Variants in AFP observed in about 807,000 individuals in gnomAD.
The protein encoded by AFP is alpha fetoprotein, also known as alpha-fetoprotein.
A neutral mutation model predicts 78.9 loss-of-function variants in AFP; 64 were observed. The observed-to-expected ratio is 0.81, with a 90% CI of 0.66 to 1.00. AFP has a LOEUF of 1.00. AFP is among the 50% of genes least tolerant of loss of function. The pLI, the probability that AFP is intolerant of heterozygous loss-of-function variation, is 0.00. For synonymous variants in AFP, 254 were observed against 243.8 expected (o/e 1.04, Z -0.39); for missense variants, 689 against 703.8 (o/e 0.98, Z 0.24).
chr4:73,445,076 A>G lies in AFP; in HGVS notation c.797A>G (p.His266Arg), dbSNP rs144243983. ...CTAGTCCTGGATGTGGCCCATGTACATGAGCACTGTTGCAGAGGAGATGTG... is the reference window on the plus strand; with the variant it reads ...CTAGTCCTGGATGTGGCCCATGTACGTGAGCACTGTTGCAGAGGAGATGTG... ...QKLVLDVAHV[H>R]EHCCRGDVLD... Residue 266 changes from histidine to arginine, a missense_variant, in exon 7 of 15, where the codon CAT (histidine) becomes CGT (arginine). Coordinates refer to ENST00000395792, the MANE Select transcript of AFP (RefSeq NM_001134.3). The G allele has an allele frequency of 1.1e-4, 184 of 1,614,054 alleles. No homozygotes were observed. Among genetic ancestry groups the G allele is most frequent in the Middle Eastern group, 6.6e-4 (4 of 6,062 alleles).
chr4:73,446,805 T>C (rs1719842218), intron 7 of AFP, among the ~76,000 whole-genome samples: 1 of 152,228 alleles, frequency 6.6e-6, no homozygotes, highest in Non-Finnish European at 1.5e-5. Context: ...TTTGAGCACA[T>C]TTCCCTCTTA....
intron 11 of AFP, among the ~76,000 whole-genome samples, chr4:73,451,125 GCTTTAT>G (rs1172317967): frequency 6.6e-6 from 1 of 151,996 alleles, no homozygotes; most frequent in East Asian, 1.9e-4. Context: ...TTTTAAAAAA[GCTTTAT>G]CTTTGATTGA....
At chr4:73,449,735 G>A (rs1719932405) in intron 9 of AFP, among the ~76,000 whole-genome samples, 1 of 152,144 alleles carries the variant, frequency 6.6e-6, no homozygotes, top group Non-Finnish European at 1.5e-5. Flanking sequence ...ACAAATAAAG[G>A]TAGTATTCAT....
intron 2 of AFP, among the ~76,000 whole-genome samples, chr4:73,437,834 C>G (rs541450751): frequency 6.6e-6 from 1 of 151,410 alleles, no homozygotes; most frequent in African/African-American, 2.4e-5. Flanking sequence ...TTTTTTTTTG[C>G]TTAAATTTAA....
rs201218868 is a variant in AFP, at chr4:73,444,063, CA to C, written c.713+620del. On this transcript the variant is annotated intron_variant, in intron 6 of 14. Coordinates refer to ENST00000395792, the MANE Select transcript of AFP (RefSeq NM_001134.3). Reference sequence around the variant, plus strand: ...TCGAATAGTAGTAAGTATATATATTCAGAGTTTATTTGATTGCTGTTTGGTT... The same window carrying C: ...TCGAATAGTAGTAAGTATATATATTCGAGTTTATTTGATTGCTGTTTGGTT... 3.5e-3 allele frequency among the ~76,000 whole-genome samples: 531 copies of C among 152,138 alleles called. 3 individuals carry two copies. The highest frequency in any genetic ancestry group is 0.012 in the African/African-American group (504 of 41,538).
chr4:73,455,285 C>T lies in AFP; in HGVS notation c.*5C>T. On this transcript the variant is annotated 3_prime_UTR_variant, in exon 14 of 15. Coordinates refer to ENST00000395792, the MANE Select transcript of AFP (RefSeq NM_001134.3). Reference sequence around the variant, plus strand: ...CGTGCTGCTTTGGGAGTTTAAATTACTTCAGGTAACAAAACATTCAGACAA... The same window carrying T: ...CGTGCTGCTTTGGGAGTTTAAATTATTTCAGGTAACAAAACATTCAGACAA... The T allele has an allele frequency of 6.2e-7, 1 of 1,611,016 alleles. No homozygotes were observed.
intron 12 of AFP, chr4:73,453,409 G>A (rs1345879590): frequency 4.5e-5 from 12 of 267,118 alleles, no homozygotes; most frequent in Non-Finnish European, 8.8e-5. Context: ...TAACTGGATG[G>A]GCAGGATTCG....
At chr4:73,437,897 T>G (rs1032657187) in intron 2 of AFP, among the ~76,000 whole-genome samples, 19 of 152,096 alleles carry the variant, frequency 1.2e-4, no homozygotes, top group Non-Finnish European at 2.4e-4. Flanking sequence ...TTACAGTAGA[T>G]GGATGGTCAC....
chr4:73,436,658 A>G (rs906125117), intron 1 of AFP, among the ~76,000 whole-genome samples: 1 of 151,648 alleles, frequency 6.6e-6, no homozygotes, highest in African/African-American at 2.4e-5. Flanking sequence ...ATATGAATAT[A>G]AATAAAATTT....
intron 11 of AFP, 100 bp from the exon 12 acceptor site, chr4:73,452,301 C>A: frequency 2.2e-6 from 2 of 889,382 alleles, no homozygotes; most frequent in Non-Finnish European, 3.7e-6. Flanking sequence ...TTATAAATTG[C>A]TGGGCATTAG....
intron 2 of AFP, 81 bp downstream of exon 2, chr4:73,437,292 T>A (rs1301058740): frequency 2.5e-5 from 29 of 1,178,130 alleles, no homozygotes; most frequent in Non-Finnish European, 3.4e-5. Flanking sequence ...GGTACCCCTG[T>A]GAGCTCTTAA....
At chr4:73,450,013 A>G in intron 9 of AFP, 23 bp from the exon 10 acceptor site, 1 of 1,545,264 alleles carries the variant, frequency 6.5e-7, no homozygotes, top group Non-Finnish European at 8.9e-7. Flanking sequence ...AAAAATGTAT[A>G]TGTAATAATT....
chr4:73,447,544 A>G lies in AFP; in HGVS notation c.926A>G (p.Glu309Gly). 1 of 1,612,924 alleles carries G rather than the reference A, an allele frequency of 6.2e-7. No individual in the cohort carries two copies. The highest frequency in any genetic ancestry group is 8.5e-7 in the Non-Finnish European group (1 of 1,179,642). ...GAATGCTGCAAACTGACCACGCTGG[A>G]ACGTGGTCAATGTATAATTCATGCA... Reference protein sequence around the residue: ...ITECCKLTTLERGQCIIHAEN... With the variant: ...ITECCKLTTLGRGQCIIHAEN... The change falls in exon 8 of 15, where the codon GAA becomes GGA. Residue 309 changes from glutamate (E) to glycine (G), a missense_variant. Physicochemically the swap from Glu to Gly is moderately conservative, Grantham distance 98. Transcript: ENST00000395792.
intron 9 of AFP, 69 bp downstream of exon 9, chr4:73,449,536 T>C (rs1483886303): frequency 6.3e-7 from 1 of 1,575,376 alleles, no homozygotes; most frequent in Non-Finnish European, 8.7e-7. Context: ...AAATGCTGTT[T>C]GTTTGAAAGC....
chr4:73,449,088 G>A lies in AFP; in HGVS notation c.1059-247G>A, dbSNP rs75723586. 2.4e-3 allele frequency among the ~76,000 whole-genome samples: 369 copies of A among 152,194 alleles called. 1 individual carries two copies. Among genetic ancestry groups the A allele is most frequent in the African/African-American group, 8.6e-3 (358 of 41,528 alleles). ...TGTTGAATAAATGAATATAAAGTCC[G>A]TAATTGAAAAGTCAAATTGAGAGAT... On this transcript the variant is annotated intron_variant, in intron 8 of 14. Transcript: ENST00000395792.
Position 73,440,599 on chromosome 4 carries a change from T to C in AFP, c.271-3T>C, listed in dbSNP as rs1005415138. On this transcript the variant is annotated splice_region_variant and splice_polypyrimidine_tract_variant and intron_variant, in intron 3 of 14. Transcript: ENST00000395792. Reference sequence around the variant, plus strand: ...TTCTCCAAACATAAAATATTTCTTATAGCTACCTGCCTTTCTGGAAGAACT... The same window carrying C: ...TTCTCCAAACATAAAATATTTCTTACAGCTACCTGCCTTTCTGGAAGAACT... The C allele has an allele frequency of 6.8e-6, 11 of 1,612,058 alleles. No homozygotes were observed. The highest frequency in any genetic ancestry group is 2.7e-5 in the African/African-American group (2 of 74,882).
intron 5 of AFP, among the ~76,000 whole-genome samples, chr4:73,443,075 A>T (rs1014341215): frequency 1.3e-5 from 2 of 152,208 alleles, no homozygotes; most frequent in Admixed American, 6.5e-5. Context: ...TTAAAGGTAC[A>T]GTTGTTCATT....
At position 73,452,443 on chromosome 4, in the gene AFP, A is replaced by T. The variant is rs1483131512; in HGVS notation, c.1471A>T (p.Thr491Ser). 1.2e-6 allele frequency: 2 copies of T among 1,613,856 alleles called. No homozygotes were observed. The highest frequency in any genetic ancestry group is 3.3e-5 in the Admixed American group (2 of 59,986). ...ACACTTATGTATCAGACATGAAATG[A>T]CTCCAGTAAACCCTGGTGTTGGCCA... ...IGHLCIRHEM[T>S]PVNPGVGQCC... The change falls in exon 12 of 15, where the codon ACT becomes TCT. Residue 491 changes from threonine to serine, a missense_variant. Transcript: ENST00000395792.
Position 73,440,596 on chromosome 4 carries a change from T to C in AFP, c.271-6T>C. On this transcript the variant is annotated splice_region_variant and splice_polypyrimidine_tract_variant and intron_variant, in intron 3 of 14. Coordinates refer to ENST00000395792, the MANE Select transcript of AFP (RefSeq NM_001134.3). ...TCTTTCTCCAAACATAAAATATTTC[T>C]TATAGCTACCTGCCTTTCTGGAAGA... The C allele has an allele frequency of 6.2e-7, 1 of 1,611,558 alleles. No individual in the cohort carries two copies. Among genetic ancestry groups the C allele is most frequent in the Non-Finnish European group, 8.5e-7 (1 of 1,177,642 alleles).
Sources: gnomAD v4.1 joint callset for allele counts (sites outside exome capture counted in the v4.1 genomes callset) on GRCh38, gnomAD v4.1.1 for gene constraint, MANE v1.5 for transcripts, NCBI Gene and HGNC (gene_info 2026-07-23, HGNC 2026-07-21) for gene names.